Variants in LTBP2 observed in about 807,000 individuals in gnomAD.
LTBP2 encodes latent-transforming growth factor beta-binding protein 2.
Under a neutral mutation model 210.6 loss-of-function variants are expected in LTBP2, and 103 were observed. That is an observed-to-expected ratio of 0.49 (90% CI 0.42 to 0.58). The LOEUF (loss-of-function observed/expected upper bound fraction) is 0.58. LTBP2 is among the 20% of genes least tolerant of loss of function. The pLI is 0.00. For synonymous variants in LTBP2, 1,007 were observed against 1,015.0 expected (o/e 0.99, Z 0.15); for missense variants, 2,313 against 2,494.5 (o/e 0.93, Z 1.55).
chr14:74,585,436 A>G (rs2088190663), intron 3 of LTBP2, among the ~76,000 whole-genome samples: 1 of 152,196 alleles, frequency 6.6e-6, no homozygotes, highest in African/African-American at 2.4e-5. Flanking sequence ...CTTTACGACA[A>G]TTCATAGCAC....
chr14:74,508,167 C>T (rs2087015891), intron 24 of LTBP2, 72 bp from the exon 25 acceptor site: 1 of 1,582,242 alleles, frequency 6.3e-7, no homozygotes, highest in African/African-American at 1.3e-5. Flanking sequence ...GTAGCTTCCT[C>T]TGGGCCCTGA....
At chr14:74,587,946 T>C (rs1595294822) in intron 2 of LTBP2, among the ~76,000 whole-genome samples, 1 of 152,204 alleles carries the variant, frequency 6.6e-6, no homozygotes, top group Non-Finnish European at 1.5e-5. Flanking sequence ...TCTAAGCCAA[T>C]GTGCTCCAGC....
rs1201159929 is a variant in LTBP2 at position 74,511,287 on chromosome 14, C to T, written c.2986G>A (p.Ala996Thr). The T allele has an allele frequency of 1.9e-6, 3 of 1,614,112 alleles. No homozygotes were observed. The highest frequency in any genetic ancestry group is 2.5e-6 in the Non-Finnish European group (3 of 1,180,030). ...TGGCCCCGGTAGCCCTCCTCACAGG[C>T]CAGACAAGTGTAGGAGCCAGGGGAA... Reference protein sequence around the residue: ...VNSPGSYTCLACEEGYRGQSG... With the variant: ...VNSPGSYTCLTCEEGYRGQSG... Residue 996 changes from alanine to threonine, a missense_variant, in exon 19 of 36, where the codon GCC (alanine) becomes ACC (threonine). Around this residue, in one of 3 missense-constraint regions of LTBP2, gnomAD observed 1,867 missense variants for 1,976.9 expected, o/e 0.94. Transcript: ENST00000261978.
intron 3 of LTBP2, among the ~76,000 whole-genome samples, chr14:74,581,277 T>G (rs1211805303): frequency 6.6e-6 from 1 of 152,204 alleles, no homozygotes; most frequent in Non-Finnish European, 1.5e-5. Flanking sequence ...GGTTACACCT[T>G]TGAATATGTT....
At chr14:74,521,685 C>A (rs1347506457) in intron 17 of LTBP2, among the ~76,000 whole-genome samples, 1 of 152,238 alleles carries the variant, frequency 6.6e-6, no homozygotes, top group Non-Finnish European at 1.5e-5. Flanking sequence ...TTCCTTAGGG[C>A]CTTTGCAGAG....
At position 74,540,822 on chromosome 14, in the gene LTBP2, T is replaced by TATATATATA. The variant is rs1253529515; in HGVS notation, c.1790-4823_1790-4822insTATATATAT. On this transcript the variant is annotated intron_variant, in intron 8 of 35. Transcript: ENST00000261978. ...ATATATATATATAATATATATATAT[T>TATATATATA]TTTATATAATATATATTTATATATA... Among the ~76,000 whole-genome samples the TATATATATA allele has an allele frequency of 5.3e-4, 36 of 67,578 alleles. 1 individual carries two copies. The South Asian group carries it at 6.3e-3, about 12-fold the overall frequency. 44.3% of individuals were successfully genotyped at this position (67,578 alleles called of 152,430 possible). A position where few individuals can be genotyped will look rare whatever the true frequency, so the allele number is the denominator to read the frequency against.
At chr14:74,532,721 G>A (rs2087368201) in intron 9 of LTBP2, among the ~76,000 whole-genome samples, 173 bp from the exon 10 acceptor site, 1 of 152,156 alleles carries the variant, frequency 6.6e-6, no homozygotes, top group Non-Finnish European at 1.5e-5. Flanking sequence ...TGTAAAATGA[G>A]GATAATGATA....
intron 16 of LTBP2, 40 bp downstream of exon 16, chr14:74,522,750 C>T: frequency 1.3e-6 from 2 of 1,590,892 alleles, no homozygotes; most frequent in Non-Finnish European, 1.7e-6. Flanking sequence ...CTCCCATCTA[C>T]CCCAGCCGCC....
At chr14:74,520,574 G>A (rs1012781349) in intron 17 of LTBP2, among the ~76,000 whole-genome samples, 9 of 152,110 alleles carry the variant, frequency 5.9e-5, no homozygotes, top group East Asian at 3.9e-4. Context: ...AGGCCGAGGC[G>A]GGTGGATCAC....
intron 2 of LTBP2, among the ~76,000 whole-genome samples, chr14:74,589,793 T>A (rs2088256280): frequency 1.3e-5 from 2 of 152,068 alleles, no homozygotes; most frequent in Non-Finnish European, 2.9e-5. Context: ...GGGGTTTTTT[T>A]AGGGAGGGAA....
At chr14:74,513,560 TG>T (rs2139700535) in intron 18 of LTBP2, among the ~76,000 whole-genome samples, 1 of 152,292 alleles carries the variant, frequency 6.6e-6, no homozygotes, top group South Asian at 2.1e-4. Context: ...CCCAGCACTT[TG>T]GGAGGCCAAG....
chr14:74,512,001 G>A (rs2087077926), intron 18 of LTBP2, among the ~76,000 whole-genome samples: 1 of 152,246 alleles, frequency 6.6e-6, no homozygotes, highest in Non-Finnish European at 1.5e-5. Context: ...ATCCAGGAAA[G>A]TCAGCCAGAA....
intron 3 of LTBP2, among the ~76,000 whole-genome samples, chr14:74,560,416 GA>G (rs1359265017): frequency 6.6e-6 from 1 of 152,194 alleles, no homozygotes; most frequent in Non-Finnish European, 1.5e-5. Flanking sequence ...CCAAGATGAG[GA>G]AAAATTCTCA....
In LTBP2 at chr14:74,506,919, ACT is replaced by A. The variant is rs149267227; in HGVS notation, c.3908-98_3908-97del. 5,549 of 1,576,184 alleles carry A rather than the reference ACT, an allele frequency of 3.5e-3. 14 individuals are homozygous for A. The highest frequency in any genetic ancestry group is 4.2e-3 in the Non-Finnish European group (4,830 of 1,162,950). ...TGCTCACTCTCTCACACGCATGCACACTCTCTCGTTCTCTGCTGAGAATACTT... is the reference window on the plus strand; with the variant it reads ...TGCTCACTCTCTCACACGCATGCACACTCTCGTTCTCTGCTGAGAATACTT... On this transcript the variant is annotated intron_variant, in intron 26 of 35. Transcript: ENST00000261978.
intron 8 of LTBP2, among the ~76,000 whole-genome samples, chr14:74,541,134 C>T (rs1320463303): frequency 1.3e-5 from 2 of 151,250 alleles, no homozygotes; most frequent in Non-Finnish European, 2.9e-5. Flanking sequence ...ATACATACAG[C>T]CCTGCCCAAG....
intron 17 of LTBP2, among the ~76,000 whole-genome samples, chr14:74,520,253 T>C (rs1427694705): frequency 6.6e-6 from 1 of 152,216 alleles, no homozygotes; most frequent in Non-Finnish European, 1.5e-5. Flanking sequence ...TTCCTATTCA[T>C]GCTCCAACAC....
chr14:74,596,646 C>T (rs1195757250), intron 2 of LTBP2, among the ~76,000 whole-genome samples: 2 of 152,122 alleles, frequency 1.3e-5, no homozygotes, highest in Non-Finnish European at 2.9e-5. Flanking sequence ...GGCCCTGGCC[C>T]AGAGAGGCAG....
rs779612783 is a variant in LTBP2 at position 74,502,893 on chromosome 14, C to T, written c.4930G>A (p.Glu1644Lys). The T allele has an allele frequency of 1.9e-6, 3 of 1,613,246 alleles. No individual in the cohort carries two copies. Among genetic ancestry groups the T allele is most frequent in the Admixed American group, 3.3e-5 (2 of 60,032 alleles). The change falls in exon 34 of 36, where the codon GAG becomes AAG. Residue 1644 changes from glutamate (E) to lysine (K), a missense_variant. This residue lies in a region of LTBP2 where 443 missense variants were observed against 501.4 expected (regional missense o/e 0.88). Coordinates refer to ENST00000261978, the MANE Select transcript of LTBP2 (RefSeq NM_000428.3). ...QLCNVARIEA[E>K]REAGVHFRPG... ...CGGAAGTGGACCCCGGCCTCCCGCTCTGCCTCAATGCGAGCCACGTTGCAC... is the reference window on the plus strand; with the variant it reads ...CGGAAGTGGACCCCGGCCTCCCGCTTTGCCTCAATGCGAGCCACGTTGCAC...
intron 17 of LTBP2, among the ~76,000 whole-genome samples, chr14:74,520,413 G>A (rs575217489): frequency 6.6e-6 from 1 of 152,296 alleles, no homozygotes; most frequent in Admixed American, 6.5e-5. Context: ...CTATTAAATG[G>A]GGCTAAGGAT....
Sources: allele counts gnomAD v4.1 joint callset (sites outside exome capture counted in the v4.1 genomes callset), GRCh38; gene constraint gnomAD v4.1.1; regional missense constraint gnomAD v4.1.1; transcripts MANE v1.5; gene names NCBI Gene and HGNC (gene_info 2026-07-23, HGNC 2026-07-21).